Variants in CLIC4 observed in about 807,000 individuals in gnomAD.
CLIC4 encodes CLIC family member 4.
Under a neutral mutation model 24.6 loss-of-function variants are expected in CLIC4, and 13 were observed. The observed-to-expected ratio is 0.53, with a 90% CI of 0.34 to 0.84. The LOEUF (loss-of-function observed/expected upper bound fraction) is 0.84, where lower values mean the gene tolerates loss of function less well. Among genes scored for constraint, CLIC4 ranks in the 40% least tolerant of loss-of-function variants. CLIC4 has a pLI of 0.01. For synonymous variants in CLIC4, 104 were observed against 111.3 expected, an observed-to-expected ratio of 0.93 and a Z score of 0.41; for missense variants, 227 against 301.7, an observed-to-expected ratio of 0.75 and a Z score of 1.83.
chr1:24,827,040 A>G lies in CLIC4; in HGVS notation c.339A>G (p.Glu113=), dbSNP rs764645616. ...TAAAGCTTTCACCAAAACACCCAGA[A>G]TCAAATACTGCTGGAATGGACATCT... ...KYLKLSPKHP[E]SNTAGMDIFA... is the part of the protein sequence containing the mutation. The change falls in exon 4 of 6, where the codon GAA becomes GAG. Residue 113 remains glutamate, a synonymous_variant. Transcript: ENST00000374379. 6.2e-7 allele frequency: 1 copy of G among 1,611,456 alleles called. No homozygotes were observed. The highest frequency in any genetic ancestry group is 8.5e-7 in the Non-Finnish European group (1 of 1,178,958).
Position 24,825,162 on chromosome 1 carries a change from AT to A in CLIC4, c.309-1844del, listed in dbSNP as rs563617060. On this transcript the variant is annotated intron_variant, in intron 3 of 5. Coordinates refer to ENST00000374379, the MANE Select transcript of CLIC4 (RefSeq NM_013943.3). ...ATTCAAGCCTGCCTTCCCGAAAATT[AT>A]TTTAAGAACTATGAGGCTTACTTCA... Among the ~76,000 whole-genome samples the A allele has an allele frequency of 2.4e-3, 360 of 151,276 alleles. 2 individuals carry two copies. The highest frequency in any genetic ancestry group is 3.6e-3 in the Non-Finnish European group (244 of 68,022).
At chr1:24,810,646 G>A (rs1474951473) in intron 2 of CLIC4, among the ~76,000 whole-genome samples, 4 of 152,032 alleles carry the variant, frequency 2.6e-5, no homozygotes, top group South Asian at 2.1e-4. Context: ...GATGGAGTGT[G>A]CCTCTGGTCC....
At chr1:24,786,404 C>T (rs1041942106) in intron 1 of CLIC4, among the ~76,000 whole-genome samples, 3 of 152,056 alleles carry the variant, frequency 2.0e-5, no homozygotes, top group African/African-American at 7.2e-5. Flanking sequence ...GATTAAATAC[C>T]AGTATTATGC....
intron 1 of CLIC4, among the ~76,000 whole-genome samples, chr1:24,753,414 T>TA (rs1557793406): frequency 6.6e-6 from 1 of 152,314 alleles, no homozygotes; most frequent in African/African-American, 2.4e-5. Flanking sequence ...GGTCCATGCT[T>TA]AAAGAGTCAA....
intron 1 of CLIC4, among the ~76,000 whole-genome samples, chr1:24,763,046 A>G (rs1638947572): frequency 6.6e-6 from 1 of 152,170 alleles, no homozygotes; most frequent in African/African-American, 2.4e-5. Flanking sequence ...GCTTCTTCGT[A>G]TGAATTTTCA....
chr1:24,749,738 T>C (rs1054766599), intron 1 of CLIC4, among the ~76,000 whole-genome samples: 2 of 152,016 alleles, frequency 1.3e-5, no homozygotes, highest in African/African-American at 2.4e-5. Context: ...AGGATGAATC[T>C]TTTGAGCGCA....
chr1:24,796,346 G>A (rs144860872), intron 1 of CLIC4, among the ~76,000 whole-genome samples: 5 of 151,940 alleles, frequency 3.3e-5, no homozygotes, highest in East Asian at 3.9e-4. Context: ...GTACCACCAC[G>A]TCCAGCTAAT....
chr1:24,774,553 G>A (rs1639108434), intron 1 of CLIC4, among the ~76,000 whole-genome samples: 1 of 151,694 alleles, frequency 6.6e-6, no homozygotes, highest in Non-Finnish European at 1.5e-5. Context: ...CAGCACTTTG[G>A]GAGGCTGAAG....
At chr1:24,799,536 C>T (rs1193398242) in intron 2 of CLIC4, among the ~76,000 whole-genome samples, 69 of 151,506 alleles carry the variant, frequency 4.6e-4, no homozygotes, top group Non-Finnish European at 1.5e-5. Context: ...CGCCCGGCAG[C>T]CCCCCCATCT....
chr1:24,750,744 A>G (rs1638763817), intron 1 of CLIC4, among the ~76,000 whole-genome samples: 1 of 152,146 alleles, frequency 6.6e-6, no homozygotes, highest in Admixed American at 6.6e-5. Context: ...TGTCTGTGCC[A>G]CATCTGCACA....
chr1:24,839,842 C>CT lies in CLIC4; in HGVS notation c.416-11dup, dbSNP rs763688973. ...TTTCCTTCTTACAGTATTCTCATCTCTTTTTTTCCCCCCCAAGCACTGGAG... is the reference window on the plus strand; with the variant it reads ...TTTCCTTCTTACAGTATTCTCATCTCTTTTTTTTCCCCCCCAAGCACTGGAG... On this transcript the variant is annotated splice_polypyrimidine_tract_variant and intron_variant, in intron 4 of 5. Coordinates refer to ENST00000374379, the MANE Select transcript of CLIC4 (RefSeq NM_013943.3). 6 of 1,601,564 alleles carry CT rather than the reference C, an allele frequency of 3.7e-6. No homozygotes were observed. The highest frequency in any genetic ancestry group is 2.2e-5 in the East Asian group (1 of 44,810).
At chr1:24,770,966 C>G (rs528098058) in intron 1 of CLIC4, among the ~76,000 whole-genome samples, 27 of 152,266 alleles carry the variant, frequency 1.8e-4, no homozygotes, top group African/African-American at 5.8e-4. Flanking sequence ...AATAAATCTG[C>G]TTCTGGTCAC....
At chr1:24,785,018 AG>A (rs1439264955) in intron 1 of CLIC4, among the ~76,000 whole-genome samples, 1 of 150,914 alleles carries the variant, frequency 6.6e-6, no homozygotes, top group African/African-American at 2.4e-5. Flanking sequence ...AAAAAAAAAA[AG>A]AAAAAAGAAA....
At chr1:24,782,092 G>A (rs1431659068) in intron 1 of CLIC4, among the ~76,000 whole-genome samples, 1 of 152,174 alleles carries the variant, frequency 6.6e-6, no homozygotes, top group Non-Finnish European at 1.5e-5. Context: ...ACTGGAAGGT[G>A]AATCATCTCT....
At position 24,750,304 on chromosome 1, in the gene CLIC4, A is replaced by T. The variant is rs545608314; in HGVS notation, c.72+4679A>T. On this transcript the variant is annotated intron_variant, in intron 1 of 5. Coordinates refer to ENST00000374379, the MANE Select transcript of CLIC4 (RefSeq NM_013943.3). ...ATCCTCAACAGTGGAGATGCTCTCT[A>T]CCCCACTCAGGAGCCTGGTAGGTGT... is the stretch of plus-strand genomic sequence containing the variant. Among the ~76,000 whole-genome samples, 4 of 149,578 alleles carry T rather than the reference A, an allele frequency of 2.7e-5. No homozygotes were observed. In the East Asian group the frequency reaches 7.8e-4, roughly 29 times the overall value.
intron 3 of CLIC4, among the ~76,000 whole-genome samples, chr1:24,822,990 G>A (rs542042459): frequency 3.3e-5 from 5 of 152,158 alleles, no homozygotes; most frequent in African/African-American, 1.2e-4. Flanking sequence ...TCTTCTTCAG[G>A]CTCTGCTTGT....
At chr1:24,765,769 G>C (rs1196028983) in intron 1 of CLIC4, among the ~76,000 whole-genome samples, 3 of 151,374 alleles carry the variant, frequency 2.0e-5, no homozygotes, top group East Asian at 1.9e-4. Context: ...TTTACTTGAA[G>C]TATCATTTGT....
chr1:24,784,003 ATTTTTTTTTT>A (rs552630401), intron 1 of CLIC4, among the ~76,000 whole-genome samples: 2 of 130,260 alleles, frequency 1.5e-5, no homozygotes, highest in African/African-American at 5.6e-5. Context: ...TCCAGTTTTG[ATTTTTTTTTT>A]TTTTTTTTGA....
At chr1:24,759,728 C>T (rs569852367) in intron 1 of CLIC4, among the ~76,000 whole-genome samples, 14 of 152,240 alleles carry the variant, frequency 9.2e-5, no homozygotes, top group African/African-American at 2.9e-4. Context: ...GTGGGTGGAT[C>T]GCTTGAGTCC....
Sources: allele counts gnomAD v4.1 joint callset (sites outside exome capture counted in the v4.1 genomes callset), GRCh38; gene constraint gnomAD v4.1.1; transcripts MANE v1.5; gene names NCBI Gene and HGNC (gene_info 2026-07-23, HGNC 2026-07-21).